TRIM6: variants seen among roughly 807,000 people sequenced by gnomAD.
The protein encoded by TRIM6 is tripartite motif containing 6.
TRIM6 carries 43 observed loss-of-function variants against 51.2 expected under a neutral mutation model. The ratio of observed to expected loss-of-function variants is 0.84; its 90% confidence interval spans 0.66 to 1.08. The LOEUF (loss-of-function observed/expected upper bound fraction) is 1.08, where lower values mean the gene tolerates loss of function less well. Among genes scored for constraint, TRIM6 ranks in the 50% least tolerant of loss-of-function variants. The pLI is 0.00. For synonymous variants in TRIM6, 215 were observed against 232.4 expected, an observed-to-expected ratio of 0.93 and a Z score of 0.68; for missense variants, 669 against 619.0, an observed-to-expected ratio of 1.08 and a Z score of -0.86.
chr11:5,599,014 A>T lies in TRIM6; in HGVS notation c.17+2100A>T, dbSNP rs564245003. ...GGCTTCCACTGATGTACTTTCAAAT[A>T]CCATAGCTTTCTCTTTTCTAGGATT... is the stretch of plus-strand genomic sequence containing the variant. On this transcript the variant is annotated intron_variant, in intron 1 of 7. Coordinates refer to ENST00000380097, the MANE Select transcript of TRIM6 (RefSeq NM_001003818.3). Among the ~76,000 whole-genome samples the T allele has an allele frequency of 5.3e-5, 8 of 152,264 alleles. No individual in the cohort carries two copies. The South Asian group carries it at 1.7e-3, about 32-fold the overall frequency.
chr11:5,602,335 C>T (rs1187310412), intron 1 of TRIM6, among the ~76,000 whole-genome samples: 5 of 151,998 alleles, frequency 3.3e-5, no homozygotes, highest in East Asian at 1.9e-4. Context: ...CCCAGCTACT[C>T]GGGAGGCTGA....
In TRIM6 at chr11:5,611,264, C is replaced by G. The variant is rs1406945032; in HGVS notation, c.1473C>G (p.Tyr491Ter). 6.2e-7 allele frequency: 1 copy of G among 1,613,936 alleles called. No individual in the cohort carries two copies. The highest frequency in any genetic ancestry group is 8.5e-7 in the Non-Finnish European group (1 of 1,179,958). The change falls in exon 8 of 8, where the codon TAC becomes TAG. Residue 491 changes from tyrosine (Y) to a stop codon, truncating the protein, a stop_gained. Coordinates refer to ENST00000380097, the MANE Select transcript of TRIM6 (RefSeq NM_001003818.3). LOFTEE classifies it high-confidence loss of function. ...GFPIYTFSKY[Y>*]FPTTLCPYFN... Reference sequence around the variant, plus strand: ...CCATCTACACTTTCTCTAAATATTACTTTCCCACTACTCTTTGTCCATATT... The same window carrying G: ...CCATCTACACTTTCTCTAAATATTAGTTTCCCACTACTCTTTGTCCATATT...
rs568541494 is a variant in TRIM6, at chr11:5,610,333, G to A, written c.958+88G>A. On this transcript the variant is annotated intron_variant, in intron 6 of 7. Transcript: ENST00000380097. ...GATAGAGGCTATAGTCGGTATTTGAGCATAGTGGCAAAGAGGGAGGTCCCA... is the reference window on the plus strand; with the variant it reads ...GATAGAGGCTATAGTCGGTATTTGAACATAGTGGCAAAGAGGGAGGTCCCA... The A allele has an allele frequency of 3.1e-5, 50 of 1,593,266 alleles. No homozygotes were observed. The Admixed American group carries it at 8.2e-4, about 26-fold the overall frequency.
At chr11:5,607,527 A>T (rs1208741922) in intron 4 of TRIM6, among the ~76,000 whole-genome samples, 1 of 152,164 alleles carries the variant, frequency 6.6e-6, no homozygotes, top group Non-Finnish European at 1.5e-5. Context: ...AGATGTATGG[A>T]GCACAAGATA....
At chr11:5,597,122 C>T (rs181983076) in intron 1 of TRIM6, among the ~76,000 whole-genome samples, 316 of 152,224 alleles carry the variant, frequency 2.1e-3, no homozygotes, top group Admixed American at 4.6e-3. Context: ...GCATAGATGC[C>T]GCAGCCAGAC....
chr11:5,606,819 T>C (rs1352889762), intron 4 of TRIM6, among the ~76,000 whole-genome samples: 1 of 152,230 alleles, frequency 6.6e-6, no homozygotes, highest in African/African-American at 2.4e-5. Flanking sequence ...ACTTGAGTAG[T>C]CTTTTCTAAA....
intron 2 of TRIM6, among the ~76,000 whole-genome samples, chr11:5,604,068 T>C (rs562330580): frequency 6.6e-6 from 1 of 152,142 alleles, no homozygotes; most frequent in Non-Finnish European, 1.5e-5. Context: ...CGATCCCGGC[T>C]CACTGCAACC....
rs1229072601 is a variant in TRIM6 at position 5,603,728 on chromosome 11, A to G, written c.500A>G (p.Glu167Gly). 2 of 1,613,422 alleles carry G rather than the reference A, an allele frequency of 1.2e-6. No individual in the cohort carries two copies. Among genetic ancestry groups the G allele is most frequent in the Non-Finnish European group, 1.7e-6 (2 of 1,179,870 alleles). Reference protein sequence around the residue: ...HTFLVEEVAQEYQEKFQESLK... With the variant: ...HTFLVEEVAQGYQEKFQESLK... Reference sequence around the variant, plus strand: ...TTCCTCGTGGAGGAGGTTGCCCAGGAGTACCAGGTGAGACCCCAGGATGGA... The same window carrying G: ...TTCCTCGTGGAGGAGGTTGCCCAGGGGTACCAGGTGAGACCCCAGGATGGA... Residue 167 changes from glutamate (E) to glycine (G), a missense_variant, in exon 2 of 8, where the codon GAG becomes GGG. Glu to Gly is a moderately conservative substitution (Grantham distance 98). Transcript: ENST00000380097.
intron 3 of TRIM6, chr11:5,605,090 C>A: frequency 1.8e-6 from 1 of 548,818 alleles, no homozygotes; most frequent in Non-Finnish European, 3.2e-6. Context: ...TAAACGTCAC[C>A]CAGGAATCAC....
intron 1 of TRIM6, among the ~76,000 whole-genome samples, chr11:5,599,005 C>T (rs1358564905): frequency 1.3e-5 from 2 of 152,158 alleles, no homozygotes; most frequent in African/African-American, 4.8e-5. Flanking sequence ...CACTGATGTA[C>T]TTTCAAATAC....
In TRIM6 at chr11:5,608,387, A is replaced by G. The variant is rs1390076327; in HGVS notation, c.850A>G (p.Thr284Ala). ...TCCTTCCTAGGATGTGAGTGATGTC[A>G]CAGAAAGGTATGTGTAAGGAGAACA... ...MELLQDVSDV[T>A]ERSEFWTLRK... Residue 284 changes from threonine (T) to alanine (A), a missense_variant, in exon 5 of 8, where the codon ACA (threonine) becomes GCA (alanine). Coordinates refer to ENST00000380097, the MANE Select transcript of TRIM6 (RefSeq NM_001003818.3). The G allele has an allele frequency of 6.2e-7, 1 of 1,613,746 alleles. No individual in the cohort carries two copies. The highest frequency in any genetic ancestry group is 1.7e-5 in the Admixed American group (1 of 60,014).
At chr11:5,596,537 C>CCCCCTTCCCCCTTCCCCCTT (rs1481698328), upstream of TRIM6, 1 of 13,954 alleles carries the variant, frequency 7.2e-5, no homozygotes, top group Non-Finnish European at 3.2e-4. Flanking sequence ...CTTCCCCCTT[C>CCCCCTTCCCCCTTCCCCCTT]CCCCTTCCCC....
At chr11:5,598,429 T>C (rs1304620733) in intron 1 of TRIM6, among the ~76,000 whole-genome samples, 2 of 152,116 alleles carry the variant, frequency 1.3e-5, no homozygotes, top group African/African-American at 2.4e-5. Context: ...CAGCGCATAT[T>C]AGATAGGAAA....
chr11:5,605,029 C>G lies in TRIM6; in HGVS notation c.604-308C>G. The stretch of plus-strand genomic sequence containing the variant: ...GGCCAGTGATTTCCACCTCAGTACT[C>G]GAAATTGGAAGAGGAGGCTGATGCA... On this transcript the variant is annotated intron_variant, in intron 3 of 7. Coordinates refer to ENST00000380097, the MANE Select transcript of TRIM6 (RefSeq NM_001003818.3). The G allele has an allele frequency of 8.9e-6, 4 of 451,454 alleles. No individual in the cohort carries two copies. In the South Asian group the frequency reaches 8.9e-5, roughly 10 times the overall value. 28.0% of individuals were successfully genotyped at this position (451,454 alleles called of 1,614,324 possible).
At chr11:5,608,273 T>C in intron 4 of TRIM6, 99 bp from the exon 5 acceptor site, 5 of 1,543,732 alleles carry the variant, frequency 3.2e-6, no homozygotes, top group African/African-American at 1.4e-5. Flanking sequence ...GGATTATCTT[T>C]ATTTGTATCA....
At chr11:5,600,558 A>G (rs879291155) in intron 1 of TRIM6, among the ~76,000 whole-genome samples, 61 of 152,252 alleles carry the variant, frequency 4.0e-4, no homozygotes, top group Admixed American at 3.3e-4. Context: ...TATCTGAGAC[A>G]CTTTCTCAGG....
At position 5,603,373 on chromosome 11, in the gene TRIM6, C is replaced by T; in HGVS notation, c.145C>T (p.Leu49Phe). The T allele has an allele frequency of 1.2e-6, 2 of 1,614,064 alleles. No individual in the cohort carries two copies. Among genetic ancestry groups the T allele is most frequent in the South Asian group, 1.1e-5 (1 of 91,078 alleles). ...GGTGACCTGCCCTATCTGCCTGGAG[C>T]TCCTAACAGAACCCCTGAGCATAGA... ...EEVTCPICLE[L>F]LTEPLSIDCG... The change falls in exon 2 of 8, where the codon CTC becomes TTC. Residue 49 changes from leucine to phenylalanine, a missense_variant. Transcript: ENST00000380097.
At chr11:5,596,975 G>A (rs974372998) in intron 1 of TRIM6, 61 bp downstream of exon 1, 2 of 1,613,218 alleles carry the variant, frequency 1.2e-6, no homozygotes, top group Admixed American at 3.3e-5. Flanking sequence ...TGACAGGGCA[G>A]TGAAAGAGAT....
At position 5,607,481 on chromosome 11, in the gene TRIM6, T is replaced by C. The variant is rs1040508910; in HGVS notation, c.835-891T>C. On this transcript the variant is annotated intron_variant, in intron 4 of 7. Transcript: ENST00000380097. ...AGAGAAAATAGTTAATCCTGTATTA[T>C]GTGGACCAAACTTAAGCTTTTCTTC... Among the ~76,000 whole-genome samples the C allele has an allele frequency of 5.3e-5, 8 of 152,174 alleles. No individual in the cohort carries two copies. The East Asian group carries it at 7.7e-4, about 15-fold the overall frequency.
Sources: allele counts gnomAD v4.1 joint callset (sites outside exome capture counted in the v4.1 genomes callset), GRCh38; gene constraint gnomAD v4.1.1; transcripts MANE v1.5; gene names NCBI Gene and HGNC (gene_info 2026-07-23, HGNC 2026-07-21).